MEGF6: variants seen among roughly 807,000 people sequenced by gnomAD.
The protein encoded by MEGF6 is multiple epidermal growth factor-like domains protein 6.
Under a neutral mutation model 207.1 loss-of-function variants are expected in MEGF6, and 184 were observed. The observed-to-expected ratio is 0.89, with a 90% CI of 0.79 to 1.00. The LOEUF is 1.00. MEGF6 is among the 50% of genes least tolerant of loss of function. MEGF6 has a pLI of 0.00. For missense variants in MEGF6, 2,282 were observed against 2,202.9 expected (o/e 1.04, Z -0.72); for synonymous variants, 1,038 against 910.0 (o/e 1.14, Z -2.53).
At chr1:3,605,578 A>T (rs1173338053) in intron 1 of MEGF6, among the ~76,000 whole-genome samples, 1 of 151,398 alleles carries the variant, frequency 6.6e-6, no homozygotes, top group South Asian at 2.1e-4. Flanking sequence ...ACATACACAC[A>T]CATACACTCA....
At chr1:3,605,199 C>T (rs1380281400) in intron 1 of MEGF6, among the ~76,000 whole-genome samples, 2 of 152,020 alleles carry the variant, frequency 1.3e-5, no homozygotes, top group East Asian at 1.9e-4. Flanking sequence ...CACACCCACA[C>T]ACACAGTCAC....
chr1:3,593,229 A>G (rs1386660665), intron 3 of MEGF6, among the ~76,000 whole-genome samples: 1 of 151,762 alleles, frequency 6.6e-6, no homozygotes, highest in Non-Finnish European at 1.5e-5. Context: ...CACAGCGGGG[A>G]GCGGCTGAAC....
chr1:3,490,398 C>A lies in MEGF6; in HGVS notation c.*130G>T. ...ACAGGTTGCTGGGCTGTCCACAGCC[C>A]TCCACGGCCCTCAAAGGAAGGGCAG... On this transcript the variant is annotated 3_prime_UTR_variant, in exon 37 of 37. Transcript: ENST00000356575. 1 of 1,048,630 alleles carries A rather than the reference C, an allele frequency of 9.5e-7. No individual in the cohort carries two copies. The highest frequency in any genetic ancestry group is 2.0e-4 in the Middle Eastern group (1 of 4,936). 65.0% of individuals were successfully genotyped at this position (1,048,630 alleles called of 1,614,324 possible).
At chr1:3,545,950 C>T (rs571966540) in intron 4 of MEGF6, among the ~76,000 whole-genome samples, 1 of 152,228 alleles carries the variant, frequency 6.6e-6, no homozygotes, top group Non-Finnish European at 1.5e-5. Context: ...CCCCTGCCCC[C>T]CTCCAAACGG....
the MEGF6 span, among the ~76,000 whole-genome samples, chr1:3,621,850 G>A: frequency 6.6e-6 from 1 of 152,240 alleles, no homozygotes; most frequent in Non-Finnish European, 1.5e-5. Flanking sequence ...GGAGCTGTAA[G>A]ATATAATGAC....
intron 17 of MEGF6, among the ~76,000 whole-genome samples, chr1:3,504,498 G>T (rs559901151): frequency 6.6e-6 from 1 of 152,016 alleles, no homozygotes; most frequent in Admixed American, 6.5e-5. Flanking sequence ...TGCACCTCCC[G>T]CCAGTGCAAG....
At position 3,611,206 on chromosome 1, in the gene MEGF6, C is replaced by T. The variant is rs1218556736; in HGVS notation, c.63G>A (p.Leu21=). 1 of 1,558,006 alleles carries T rather than the reference C, an allele frequency of 6.4e-7. No individual in the cohort carries two copies. Among genetic ancestry groups the T allele is most frequent in the East Asian group, 2.5e-5 (1 of 40,290 alleles). Residue 21 remains leucine (L), a synonymous_variant, in exon 1 of 37, where the codon CTG becomes CTA. Coordinates refer to ENST00000356575, the MANE Select transcript of MEGF6 (RefSeq NM_001409.4). ...GRAVVLALVL[L]LLPAVPVGAS... is the part of the protein sequence containing the mutation. ...CGCCCACGGGCACGGCGGGGAGCAG[C>T]AGCAGCACCAACGCCAGGACCACCG...
At chr1:3,505,185 A>T in intron 17 of MEGF6, 23 bp downstream of exon 17, 1 of 1,608,320 alleles carries the variant, frequency 6.2e-7, no homozygotes, top group East Asian at 2.2e-5. Context: ...GACTGCCGGG[A>T]GCCCCAGGGG....
chr1:3,495,518 A>G (rs1222491801), intron 30 of MEGF6, among the ~76,000 whole-genome samples: 2 of 152,188 alleles, frequency 1.3e-5, no homozygotes, highest in Admixed American at 1.3e-4. Context: ...AAAGGGCCAG[A>G]AGGACTCCAC....
intron 4 of MEGF6, among the ~76,000 whole-genome samples, chr1:3,537,191 C>T (rs1642359735): frequency 6.6e-6 from 1 of 152,248 alleles, no homozygotes. Context: ...GGCCAAGGCC[C>T]CAGGCAGCCC....
intron 4 of MEGF6, among the ~76,000 whole-genome samples, chr1:3,537,343 G>A (rs1429720189): frequency 6.6e-6 from 1 of 152,250 alleles, no homozygotes; most frequent in East Asian, 1.9e-4. Context: ...TTGAGGGTAT[G>A]AGAGAAAGGA....
At chr1:3,492,942 C>T in intron 34 of MEGF6, 175 bp from the exon 35 acceptor site, 1 of 770,110 alleles carries the variant, frequency 1.3e-6, no homozygotes, top group Non-Finnish European at 2.0e-6. Context: ...TAAACAGTCC[C>T]TGCCCTGCCT....
intron 21 of MEGF6, 90 bp downstream of exon 21, chr1:3,500,543 C>T (rs935736012): frequency 9.0e-6 from 13 of 1,450,088 alleles, no homozygotes; most frequent in African/African-American, 8.5e-5. Flanking sequence ...GGAGGGAGTA[C>T]GGTCAAAGGC....
intron 4 of MEGF6, among the ~76,000 whole-genome samples, chr1:3,549,426 A>G (rs1359384607): frequency 6.6e-6 from 1 of 152,112 alleles, no homozygotes; most frequent in Non-Finnish European, 1.5e-5. Context: ...CTCCTCCCCA[A>G]AGCCAGCAGA....
At chr1:3,500,527 C>G (rs532432291) in intron 21 of MEGF6, 106 bp downstream of exon 21, 1 of 1,416,056 alleles carries the variant, frequency 7.1e-7, no homozygotes. Context: ...CGTGTGTGTG[C>G]GTGCAGGAGG....
Position 3,505,217 on chromosome 1 carries a change from A to G in MEGF6, c.2179T>C (p.Cys727Arg). Reference sequence around the variant, plus strand: ...GGGGCCGGCCACTCACCTTGGCCACAGTCCTCTCCCTGGAAGCCAGCAGGA... The same window carrying G: ...GGGGCCGGCCACTCACCTTGGCCACGGTCCTCTCCCTGGAAGCCAGCAGGA... ...RCPAGFQGED[C>R]GQECPVGTFG... Residue 727 changes from cysteine to arginine, a missense_variant, in exon 17 of 37, where the codon TGT becomes CGT. Coordinates refer to ENST00000356575, the MANE Select transcript of MEGF6 (RefSeq NM_001409.4). 6.2e-7 allele frequency: 1 copy of G among 1,611,560 alleles called. No homozygotes were observed. Among genetic ancestry groups the G allele is most frequent in the Non-Finnish European group, 8.5e-7 (1 of 1,179,384 alleles).
intron 21 of MEGF6, 78 bp downstream of exon 21, chr1:3,500,555 T>C (rs1269850449): frequency 1.4e-6 from 2 of 1,469,800 alleles, no homozygotes; most frequent in Non-Finnish European, 1.8e-6. Flanking sequence ...GTCAAAGGCT[T>C]TGTGTGTGTG....
chr1:3,498,596 C>A, intron 25 of MEGF6, 97 bp from the exon 26 acceptor site: 1 of 1,483,330 alleles, frequency 6.7e-7, no homozygotes, highest in Non-Finnish European at 9.0e-7. Flanking sequence ...GAAGCCTACA[C>A]CCCAGGGCGC....
At chr1:3,521,717 C>T (rs1641753693) in intron 5 of MEGF6, among the ~76,000 whole-genome samples, 1 of 152,174 alleles carries the variant, frequency 6.6e-6, no homozygotes, top group African/African-American at 2.4e-5. Context: ...CTGGAAACTC[C>T]CGGGAGACCG....
Sources: gnomAD v4.1 joint callset for allele counts (sites outside exome capture counted in the v4.1 genomes callset) on GRCh38, gnomAD v4.1.1 for gene constraint, MANE v1.5 for transcripts, NCBI Gene and HGNC (gene_info 2026-07-23, HGNC 2026-07-21) for gene names.